Variants in DGKB observed in about 807,000 individuals in gnomAD.
DGKB encodes the protein diacylglycerol kinase beta.
A neutral mutation model predicts 114.3 loss-of-function variants in DGKB; 67 were observed. That is an observed-to-expected ratio of 0.59 (90% CI 0.48 to 0.72). DGKB has a LOEUF of 0.72. Ranked by LOEUF, DGKB falls within the 30% of genes least tolerant of loss-of-function variation. DGKB has a pLI of 0.00. For synonymous variants in DGKB, 398 were observed against 323.1 expected (o/e 1.23, Z -2.49); for missense variants, 907 against 975.2 (o/e 0.93, Z 0.93).
At chr7:14,874,185 T>A (rs1391953854) in intron 1 of DGKB, among the ~76,000 whole-genome samples, 1 of 152,096 alleles carries the variant, frequency 6.6e-6, no homozygotes, top group Non-Finnish European at 1.5e-5. Flanking sequence ...TGTTTTAAAA[T>A]ACGTACAAAT....
At chr7:14,842,268 A>G (rs1848043373) in intron 1 of DGKB, among the ~76,000 whole-genome samples, 2 of 152,202 alleles carry the variant, frequency 1.3e-5, no homozygotes, top group African/African-American at 4.8e-5. Context: ...ACTTCTACAG[A>G]CAAGACTCAT....
At chr7:14,932,449 T>C (rs1785069617) in intron 1 of DGKB, among the ~76,000 whole-genome samples, 2 of 152,208 alleles carry the variant, frequency 1.3e-5, no homozygotes, top group Non-Finnish European at 2.9e-5. Context: ...TAAAGACTGT[T>C]TATCTTTACC....
At chr7:14,958,685 T>C (rs1436101429) in intron 1 of DGKB, among the ~76,000 whole-genome samples, 2 of 152,036 alleles carry the variant, frequency 1.3e-5, no homozygotes, top group Non-Finnish European at 2.9e-5. Context: ...GCGGGAGTAT[T>C]ATGCACATCC....
intron 23 of DGKB, among the ~76,000 whole-genome samples, chr7:14,223,609 T>A (rs1020502389): frequency 4.6e-5 from 7 of 151,824 alleles, no homozygotes; most frequent in African/African-American, 1.7e-4. Flanking sequence ...TGTATTATAA[T>A]GTGGATTCAA....
upstream of DGKB, among the ~76,000 whole-genome samples, chr7:14,903,746 T>C (rs1333677640): frequency 6.6e-6 from 1 of 152,112 alleles, no homozygotes; most frequent in Non-Finnish European, 1.5e-5. Context: ...AATAACAATT[T>C]TGAGGCACGT....
intron 1 of DGKB, among the ~76,000 whole-genome samples, chr7:14,883,494 A>G (rs1199944518): frequency 6.6e-6 from 1 of 151,988 alleles, no homozygotes; most frequent in East Asian, 1.9e-4. Context: ...GCTTTTTAAA[A>G]TAAATATTAA....
intron 21 of DGKB, among the ~76,000 whole-genome samples, chr7:14,423,616 C>G (rs1266546861): frequency 6.6e-6 from 1 of 152,018 alleles, no homozygotes; most frequent in African/African-American, 2.4e-5. Context: ...AACTTTGCAA[C>G]TTTTAACTCA....
chr7:14,569,792 G>T (rs1460970079), intron 20 of DGKB, among the ~76,000 whole-genome samples: 7 of 151,852 alleles, frequency 4.6e-5, no homozygotes, highest in Non-Finnish European at 1.0e-4. Flanking sequence ...TATATTAAAT[G>T]TATAAATTAA....
chr7:14,710,785 T>C (rs1827233234), intron 6 of DGKB, among the ~76,000 whole-genome samples: 3 of 152,144 alleles, frequency 2.0e-5, no homozygotes, highest in Admixed American at 1.3e-4. Flanking sequence ...ATTCTCTTAA[T>C]GTGGCATAAT....
intron 21 of DGKB, 24 bp from the exon 22 acceptor site, chr7:14,345,415 C>G: frequency 2.3e-6 from 3 of 1,281,278 alleles, no homozygotes; most frequent in Non-Finnish European, 3.3e-6. Flanking sequence ...GGAAGAAGCA[C>G]CTTAGGCAAT....
At chr7:14,458,855 C>T (rs1057228278) in intron 21 of DGKB, among the ~76,000 whole-genome samples, 9 of 152,148 alleles carry the variant, frequency 5.9e-5, no homozygotes, top group Admixed American at 3.3e-4. Context: ...AAGACAGAAC[C>T]GTTCACTCTC....
chr7:14,840,613 C>G (rs1416550825), intron 2 of DGKB, among the ~76,000 whole-genome samples: 1 of 151,936 alleles, frequency 6.6e-6, no homozygotes, highest in Non-Finnish European at 1.5e-5. Context: ...GCGGTCCTAA[C>G]TTGAGGTCCT....
chr7:14,535,204 CA>C (rs201353484), intron 20 of DGKB, among the ~76,000 whole-genome samples: 2 of 151,648 alleles, frequency 1.3e-5, no homozygotes, highest in East Asian at 1.9e-4. Context: ...ACTGTCTCAA[CA>C]AAAAAACAAA....
At chr7:14,413,893 A>C (rs1583752682) in intron 21 of DGKB, among the ~76,000 whole-genome samples, 1 of 152,168 alleles carries the variant, frequency 6.6e-6, no homozygotes, top group East Asian at 1.9e-4. Context: ...GTGCAAGGCA[A>C]ATTAGTATAG....
At chr7:14,825,310 G>A (rs533923623) in intron 2 of DGKB, among the ~76,000 whole-genome samples, 5 of 151,882 alleles carry the variant, frequency 3.3e-5, no homozygotes, top group Admixed American at 2.0e-4. Context: ...AGTGCATTAC[G>A]TTTATTGTGC....
chr7:14,865,962 C>T (rs1169139725), intron 1 of DGKB, among the ~76,000 whole-genome samples: 3 of 152,056 alleles, frequency 2.0e-5, no homozygotes, highest in Admixed American at 2.0e-4. Context: ...AGGCATTTCA[C>T]TGTATAACCA....
chr7:14,542,859 C>T (rs992661251), intron 20 of DGKB, among the ~76,000 whole-genome samples: 2 of 152,196 alleles, frequency 1.3e-5, no homozygotes, highest in African/African-American at 4.8e-5. Flanking sequence ...AGCCACACTG[C>T]TCTCAAATCT....
chr7:14,874,867 T>C (rs1055689017), intron 1 of DGKB, among the ~76,000 whole-genome samples: 2 of 152,146 alleles, frequency 1.3e-5, no homozygotes, highest in Non-Finnish European at 2.9e-5. Flanking sequence ...AATATTCAAG[T>C]TGGTTTTCCA....
At chr7:14,856,183 T>A (rs1850125886) in intron 1 of DGKB, among the ~76,000 whole-genome samples, 1 of 152,136 alleles carries the variant, frequency 6.6e-6, no homozygotes, top group African/African-American at 2.4e-5. Flanking sequence ...ACTTTCAACT[T>A]ATGAATGTTT....
Sources: allele counts gnomAD v4.1 joint callset (sites outside exome capture counted in the v4.1 genomes callset), GRCh38; gene constraint gnomAD v4.1.1; transcripts MANE v1.5; gene names NCBI Gene and HGNC (gene_info 2026-07-23, HGNC 2026-07-21).